Variants in AP4E1 observed in about 807,000 individuals in gnomAD.
AP4E1 encodes the protein AP-4 complex subunit epsilon-1.
AP4E1 carries 56 observed loss-of-function variants against 128.2 expected under a neutral mutation model. The ratio of observed to expected loss-of-function variants is 0.44; its 90% CI spans 0.35 to 0.55. The LOEUF (loss-of-function observed/expected upper bound fraction) is 0.55, where lower values mean the gene tolerates loss of function less well. AP4E1 is among the 20% of genes least tolerant of loss of function. The pLI is 0.00. For missense variants in AP4E1, 1,324 were observed against 1,307.7 expected, an observed-to-expected ratio of 1.01 and a Z score of -0.19; for synonymous variants, 484 against 473.1, an observed-to-expected ratio of 1.02 and a Z score of -0.30.
Position 51,002,840 on chromosome 15 carries a change from C to A in AP4E1, c.*178C>A. The A allele has an allele frequency of 1.3e-6, 1 of 765,204 alleles. No individual in the cohort carries two copies. The highest frequency in any genetic ancestry group is 2.1e-6 in the Non-Finnish European group (1 of 474,332). 47.4% of individuals were successfully genotyped at this position (765,204 alleles called of 1,614,324 possible). ...AAGATCCCCAAAACTGTATCCCTAA[C>A]CTTTAACTCAGGATTGTACAGTATG... On this transcript the variant is annotated 3_prime_UTR_variant, in exon 21 of 21. Coordinates refer to ENST00000261842, the MANE Select transcript of AP4E1 (RefSeq NM_007347.5).
intron 16 of AP4E1, among the ~76,000 whole-genome samples, chr15:50,988,384 G>A (rs1410898342): frequency 2.3e-5 from 3 of 130,716 alleles, no homozygotes; most frequent in Admixed American, 7.5e-5. Flanking sequence ...GCATGATCTC[G>A]ATTCACTGCA....
intron 15 of AP4E1, among the ~76,000 whole-genome samples, chr15:50,981,031 T>A (rs767577118): frequency 1.3e-5 from 2 of 152,018 alleles, no homozygotes; most frequent in African/African-American, 2.4e-5. Context: ...AAATACAGGA[T>A]CAGAGGCATC....
chr15:50,959,439 A>C (rs1022864194), intron 14 of AP4E1, among the ~76,000 whole-genome samples: 2 of 152,056 alleles, frequency 1.3e-5, no homozygotes, highest in African/African-American at 2.4e-5. Context: ...TGGAAAAAAA[A>C]CCCCCAAAAC....
At chr15:50,944,945 C>A in intron 10 of AP4E1, 1 of 771,518 alleles carries the variant, frequency 1.3e-6, no homozygotes, top group East Asian at 2.4e-5. Context: ...GAATTTGGAA[C>A]CTGACTCAAC....
rs547347694 is a variant in AP4E1, at chr15:50,986,237, A to G, written c.2090+2092A>G. On this transcript the variant is annotated intron_variant, in intron 16 of 20. Coordinates refer to ENST00000261842, the MANE Select transcript of AP4E1 (RefSeq NM_007347.5). ...GACTGTGGGGTTTTCTAGATATACA[A>G]TCATGTCATCTGCAAACAGGGACAA... Among the ~76,000 whole-genome samples the G allele has an allele frequency of 5.0e-3, 758 of 152,264 alleles. 11 individuals are homozygous for G. The highest frequency in any genetic ancestry group is 0.018 in the African/African-American group (733 of 41,558).
intron 8 of AP4E1, among the ~76,000 whole-genome samples, chr15:50,940,124 A>G (rs1372401229): frequency 6.6e-6 from 1 of 152,304 alleles, no homozygotes. Context: ...TCAATTGACT[A>G]AGGTTCTCTT....
chr15:50,912,395 C>G (rs1355533631), intron 2 of AP4E1, among the ~76,000 whole-genome samples: 1 of 152,174 alleles, frequency 6.6e-6, no homozygotes, highest in Middle Eastern at 3.2e-3. Context: ...TGGAGATACT[C>G]TTGGGACCCT....
intron 11 of AP4E1, 99 bp from the exon 12 acceptor site, chr15:50,949,727 A>G (rs1483164931): frequency 2.2e-6 from 2 of 912,286 alleles, no homozygotes; most frequent in Non-Finnish European, 1.8e-6. Context: ...AAACTGCCAT[A>G]CTAGGATGAA....
chr15:50,977,071 GA>G (rs35284597), intron 15 of AP4E1, among the ~76,000 whole-genome samples: 1 of 152,052 alleles, frequency 6.6e-6, no homozygotes, highest in Non-Finnish European at 1.5e-5. Flanking sequence ...TATATTGGGG[GA>G]AAAAGTAAAC....
At chr15:50,990,555 T>A (rs1189409605) in intron 16 of AP4E1, among the ~76,000 whole-genome samples, 3 of 151,808 alleles carry the variant, frequency 2.0e-5, no homozygotes, top group Non-Finnish European at 2.9e-5. Context: ...CCTGCTAATT[T>A]TTATGTTTTT....
At chr15:50,915,397 A>T (rs550547906) in intron 2 of AP4E1, 51 bp from the exon 3 acceptor site, 3 of 1,573,526 alleles carry the variant, frequency 1.9e-6, no homozygotes, top group South Asian at 1.1e-5. Context: ...TAGTTAAAAC[A>T]ATCTAAATAT....
At chr15:50,959,493 A>T (rs1283138977) in intron 14 of AP4E1, among the ~76,000 whole-genome samples, 1 of 152,202 alleles carries the variant, frequency 6.6e-6, no homozygotes, top group African/African-American at 2.4e-5. Context: ...AAGGAGAAAT[A>T]AAGTCTTTCC....
chr15:50,922,436 T>G (rs1156306988), intron 3 of AP4E1, among the ~76,000 whole-genome samples: 1 of 152,180 alleles, frequency 6.6e-6, no homozygotes, highest in Non-Finnish European at 1.5e-5. Context: ...ATAGCTCTGC[T>G]CCTCCGACCT....
chr15:50,923,832 A>C, intron 3 of AP4E1, 99 bp from the exon 4 acceptor site: 1 of 853,792 alleles, frequency 1.2e-6, no homozygotes, highest in Non-Finnish European at 1.9e-6. Context: ...TTTACTTGTA[A>C]CTGGTATCTT....
At chr15:50,936,905 A>T (rs952109334) in intron 8 of AP4E1, among the ~76,000 whole-genome samples, 2 of 151,848 alleles carry the variant, frequency 1.3e-5, no homozygotes, top group African/African-American at 4.8e-5. Context: ...ATGCCACTGC[A>T]CTCTAGCCTT....
intron 1 of AP4E1, among the ~76,000 whole-genome samples, chr15:50,909,717 T>C (rs960766392): frequency 6.6e-6 from 1 of 152,150 alleles, no homozygotes; most frequent in Non-Finnish European, 1.5e-5. Flanking sequence ...AGACGGAGTC[T>C]CGCTCTGTCG....
chr15:50,951,467 C>A (rs1363479008), intron 13 of AP4E1, among the ~76,000 whole-genome samples: 1 of 151,968 alleles, frequency 6.6e-6, no homozygotes, highest in African/African-American at 2.4e-5. Flanking sequence ...GTAATGTAAT[C>A]ACATGTAATT....
chr15:50,929,320 A>G, intron 6 of AP4E1, 152 bp downstream of exon 6: 1 of 901,114 alleles, frequency 1.1e-6, no homozygotes, highest in Non-Finnish European at 1.7e-6. Flanking sequence ...CAAGTTGTTG[A>G]GAGCATGAGT....
chr15:50,929,162 G>A lies in AP4E1; in HGVS notation c.696G>A (p.Met232Ile), dbSNP rs2063801937. ...MAASLHIYLRMIKENSSGYKD... is the reference protein window; with the variant it reads ...MAASLHIYLRIIKENSSGYKD... ...CCTCCTTGCATATATATCTTAGAAT[G>A]ATTAAGGTAAGTTGGAAATTTTAGC... Residue 232 changes from methionine (M) to isoleucine (I), a missense_variant, in exon 6 of 21, where the codon ATG becomes ATA. Transcript: ENST00000261842. The A allele has an allele frequency of 3.7e-6, 6 of 1,613,590 alleles. No individual in the cohort carries two copies. Among genetic ancestry groups the A allele is most frequent in the Non-Finnish European group, 5.1e-6 (6 of 1,179,864 alleles).
Sources: gnomAD v4.1 joint callset for allele counts (sites outside exome capture counted in the v4.1 genomes callset) on GRCh38, gnomAD v4.1.1 for gene constraint, MANE v1.5 for transcripts, NCBI Gene and HGNC (gene_info 2026-07-23, HGNC 2026-07-21) for gene names.